ADAMTSL1: variants seen among roughly 807,000 people sequenced by gnomAD.
ADAMTSL1 encodes ADAMTS-like protein 1.
ADAMTSL1 carries 126 observed loss-of-function variants against 201.8 expected under a neutral mutation model. That is an observed-to-expected ratio of 0.62 (90% CI 0.54 to 0.72). The LOEUF (loss-of-function observed/expected upper bound fraction) is 0.72, where lower values mean the gene tolerates loss of function less well. Ranked by LOEUF, ADAMTSL1 falls within the 30% of genes least tolerant of loss-of-function variation. The pLI is 0.00. For synonymous variants in ADAMTSL1, 1,121 were observed against 903.4 expected (o/e 1.24, Z -4.32); for missense variants, 2,679 against 2,277.8 (o/e 1.18, Z -3.59).
At chr9:18,121,857 C>G (rs996219634) in intron 1 of ADAMTSL1, among the ~76,000 whole-genome samples, 1 of 152,236 alleles carries the variant, frequency 6.6e-6, no homozygotes, top group Middle Eastern at 3.4e-3. Flanking sequence ...CACCCATCAC[C>G]ATTCTTAAAA....
chr9:18,542,313 T>C (rs1316055449), intron 3 of ADAMTSL1, among the ~76,000 whole-genome samples: 1 of 151,936 alleles, frequency 6.6e-6, no homozygotes, highest in Non-Finnish European at 1.5e-5. Context: ...TGTGAGAAAA[T>C]GTCTAAAATG....
At chr9:18,126,715 A>T (rs926415851) in intron 1 of ADAMTSL1, among the ~76,000 whole-genome samples, 7 of 152,232 alleles carry the variant, frequency 4.6e-5, no homozygotes, top group African/African-American at 1.7e-4. Context: ...GGAGGCAGAC[A>T]GGTTAAAATC....
intron 2 of ADAMTSL1, among the ~76,000 whole-genome samples, chr9:18,350,029 G>T (rs56892115): frequency 0.037 from 5,595 of 151,862 alleles, 369 homozygotes; most frequent in African/African-American, 0.13. Flanking sequence ...GCAGTAACCC[G>T]GGCCTGAGCA....
At chr9:18,849,315 C>G (rs969398540) in intron 23 of ADAMTSL1, among the ~76,000 whole-genome samples, 1 of 152,174 alleles carries the variant, frequency 6.6e-6, no homozygotes, top group Non-Finnish European at 1.5e-5. Context: ...TCACCCCACC[C>G]GCACATTTCC....
At chr9:18,324,721 G>A (rs978567450) in intron 2 of ADAMTSL1, among the ~76,000 whole-genome samples, 3 of 149,706 alleles carry the variant, frequency 2.0e-5, no homozygotes, top group Admixed American at 6.7e-5. Flanking sequence ...CTGAGATCGC[G>A]CCATCACACT....
chr9:18,097,882 T>C (rs1232472219), intron 1 of ADAMTSL1, among the ~76,000 whole-genome samples: 1 of 151,942 alleles, frequency 6.6e-6, no homozygotes, highest in Non-Finnish European at 1.5e-5. Context: ...TTTGAGTGTG[T>C]ATACTGAGAA....
intron 1 of ADAMTSL1, among the ~76,000 whole-genome samples, chr9:17,992,484 A>T (rs1022587627): frequency 2.6e-5 from 4 of 152,126 alleles, no homozygotes; most frequent in African/African-American, 7.2e-5. Context: ...GAATGCTTGT[A>T]CTTGGTCCCT....
chr9:18,107,104 C>T (rs1824793496), intron 1 of ADAMTSL1, among the ~76,000 whole-genome samples: 1 of 152,120 alleles, frequency 6.6e-6, no homozygotes, highest in Non-Finnish European at 1.5e-5. Flanking sequence ...GTTATTAAGT[C>T]TATGCCTAAT....
chr9:18,737,082 G>A (rs187689594), intron 15 of ADAMTSL1, among the ~76,000 whole-genome samples: 1 of 152,150 alleles, frequency 6.6e-6, no homozygotes, highest in Admixed American at 6.5e-5. Context: ...ACTTTGGAAG[G>A]CCGAGGCAGG....
In ADAMTSL1 at chr9:18,622,350, C is replaced by A; in HGVS notation, c.582C>A (p.Ser194=). The A allele has an allele frequency of 1.2e-6, 2 of 1,614,006 alleles. No individual in the cohort carries two copies. The highest frequency in any genetic ancestry group is 1.7e-6 in the Non-Finnish European group (2 of 1,179,934). ...GGCTGGTCCGAGGGCAGTATAAATC[C>A]CAGCTCTCCGCAACCAAATGTAAGA... ...TCRLVRGQYK[S]QLSATKSDDT... Residue 194 remains serine, a synonymous_variant, in exon 5 of 29, where the codon TCC becomes TCA. Coordinates refer to ENST00000380548, the MANE Select transcript of ADAMTSL1 (RefSeq NM_001040272.6).
chr9:18,778,672 A>G (rs1333965356), intron 19 of ADAMTSL1, among the ~76,000 whole-genome samples: 3 of 152,236 alleles, frequency 2.0e-5, no homozygotes, highest in Non-Finnish European at 4.4e-5. Context: ...TTAATTGATT[A>G]GTGACTATCT....
intron 1 of ADAMTSL1, among the ~76,000 whole-genome samples, chr9:18,065,469 A>G (rs1822653046): frequency 2.0e-5 from 3 of 152,242 alleles, no homozygotes. Context: ...GAACTATGTC[A>G]TTAAATCTGC....
intron 1 of ADAMTSL1, among the ~76,000 whole-genome samples, chr9:18,130,147 C>T (rs546009485): frequency 8.5e-5 from 13 of 152,164 alleles, no homozygotes; most frequent in Non-Finnish European, 1.9e-4. Context: ...ATCACAGTAA[C>T]CTCAGCTACT....
chr9:18,367,785 T>G (rs994563550), intron 2 of ADAMTSL1, among the ~76,000 whole-genome samples: 1 of 152,152 alleles, frequency 6.6e-6, no homozygotes, highest in Non-Finnish European at 1.5e-5. Flanking sequence ...ACATTCAGTG[T>G]CAGAGCCAGG....
intron 1 of ADAMTSL1, among the ~76,000 whole-genome samples, chr9:18,057,097 C>T (rs1822226148): frequency 6.6e-6 from 1 of 152,174 alleles, no homozygotes; most frequent in Admixed American, 6.5e-5. Context: ...CAAAGTTGCA[C>T]ACTAGGTACA....
intron 15 of ADAMTSL1, among the ~76,000 whole-genome samples, chr9:18,748,854 T>C (rs1399826263): frequency 6.6e-6 from 1 of 152,212 alleles, no homozygotes; most frequent in African/African-American, 2.4e-5. Context: ...CTCACAGTCA[T>C]AGAAGCCAAA....
chr9:18,519,903 T>G (rs1235377531), intron 2 of ADAMTSL1, among the ~76,000 whole-genome samples: 1 of 152,218 alleles, frequency 6.6e-6, no homozygotes, highest in Non-Finnish European at 1.5e-5. Context: ...TTTTCTTTTC[T>G]GATTACATGA....
intron 2 of ADAMTSL1, among the ~76,000 whole-genome samples, chr9:18,375,363 C>T (rs1391410783): frequency 6.6e-6 from 1 of 152,018 alleles, no homozygotes; most frequent in Non-Finnish European, 1.5e-5. Flanking sequence ...TTATATTATA[C>T]TTTAAGTTCT....
rs189204537 is a variant in ADAMTSL1, at chr9:18,090,904, A to C, written c.88-72958A>C. Among the ~76,000 whole-genome samples, 3 of 152,134 alleles carry C rather than the reference A, an allele frequency of 2.0e-5. No homozygotes were observed. The East Asian group carries it at 5.8e-4, about 29-fold the overall frequency. ...GGTGGTTTTCTTGTTCCTCATAACC[A>C]CATGACCCTTCTTATTCTGGGCTGT... On this transcript the variant is annotated intron_variant, in intron 1 of 29. Coordinates refer to the ADAMTSL1 transcript ENST00000680146.
Sources: gnomAD v4.1 joint callset for allele counts (sites outside exome capture counted in the v4.1 genomes callset) on GRCh38, gnomAD v4.1.1 for gene constraint, MANE v1.5 for transcripts, NCBI Gene and HGNC (gene_info 2026-07-23, HGNC 2026-07-21) for gene names.